USP28: variants seen among roughly 807,000 people sequenced by gnomAD.
USP28 encodes the protein ubiquitin specific peptidase 28.
Under a neutral mutation model 145.0 loss-of-function variants are expected in USP28, and 113 were observed. That is an observed-to-expected ratio of 0.78 (90% CI 0.67 to 0.91). The LOEUF is 0.91. Ranked by LOEUF, USP28 falls within the 40% of genes least tolerant of loss-of-function variation. USP28 has a pLI of 0.00. For synonymous variants in USP28, 447 were observed against 450.9 expected (o/e 0.99, Z 0.11); for missense variants, 1,201 against 1,289.6 (o/e 0.93, Z 1.05).
At chr11:113,807,232 C>T (rs967319444) in intron 18 of USP28, among the ~76,000 whole-genome samples, 1 of 152,058 alleles carries the variant, frequency 6.6e-6, no homozygotes, top group Non-Finnish European at 1.5e-5. Flanking sequence ...GCCACCATGC[C>T]CAGCTAATTT....
chr11:113,832,864 G>C (rs966858872), intron 7 of USP28, among the ~76,000 whole-genome samples: 2 of 152,052 alleles, frequency 1.3e-5, no homozygotes, highest in African/African-American at 4.8e-5. Context: ...TCAAACTCCT[G>C]GGTTCCAGGG....
chr11:113,875,522 G>A, exon 1 of USP28: 1 of 1,153,398 alleles, frequency 8.7e-7, no homozygotes, highest in Non-Finnish European at 1.1e-6. Flanking sequence ...CCCAGCCGCG[G>A]GTCACCGGTC....
chr11:113,841,608 G>A (rs1024134403), intron 4 of USP28, 55 bp downstream of exon 4: 64 of 1,137,812 alleles, frequency 5.6e-5, no homozygotes, highest in Non-Finnish European at 7.9e-5. Context: ...CAGAGCTGTT[G>A]CCTTTGAGAT....
intron 16 of USP28, among the ~76,000 whole-genome samples, chr11:113,810,034 C>CAAAAAAAAA (rs368686301): frequency 1.4e-5 from 1 of 68,982 alleles, no homozygotes; most frequent in African/African-American, 5.7e-5. Flanking sequence ...GACTCCATCT[C>CAAAAAAAAA]AAAAAAAAAA....
intron 1 of USP28, among the ~76,000 whole-genome samples, chr11:113,855,769 G>C (rs1260590367): frequency 6.6e-6 from 1 of 152,150 alleles, no homozygotes; most frequent in Admixed American, 6.5e-5. Context: ...AAATCAGTTG[G>C]GCGTGGTGGC....
chr11:113,875,398 G>C, intron 1 of USP28, 47 bp downstream of exon 1: 1 of 1,215,076 alleles, frequency 8.2e-7, no homozygotes, highest in Non-Finnish European at 1.0e-6. Flanking sequence ...GCTCCCCTCA[G>C]GGCCTGGAGC....
chr11:113,859,578 C>T (rs1433201974), intron 1 of USP28: 3 of 151,718 alleles, frequency 2.0e-5, no homozygotes, highest in South Asian at 2.1e-4. Flanking sequence ...TAACAGAACC[C>T]GCACTCCAAA....
At chr11:113,843,015 G>C (rs113434376) in intron 3 of USP28, among the ~76,000 whole-genome samples, 1,739 of 152,232 alleles carry the variant, frequency 0.011, 35 homozygotes, top group African/African-American at 0.039. Context: ...AGGATCAGTT[G>C]AGGTCAGGAG....
At chr11:113,817,922 C>A in intron 12 of USP28, 85 bp from the exon 13 acceptor site, 1 of 1,416,020 alleles carries the variant, frequency 7.1e-7, no homozygotes, top group Non-Finnish European at 9.8e-7. Context: ...TTTATCACAG[C>A]AAGTCAATGG....
At chr11:113,817,567 G>A in intron 13 of USP28, 91 bp downstream of exon 13, 2 of 1,427,428 alleles carry the variant, frequency 1.4e-6, no homozygotes, top group Non-Finnish European at 1.9e-6. Flanking sequence ...TGCTCTTATA[G>A]GTGACTGTCA....
At chr11:113,801,609 C>T in exon 24 of USP28, 6 of 1,610,304 alleles carry the variant, frequency 3.7e-6, no homozygotes, top group Non-Finnish European at 5.1e-6. Flanking sequence ...TCATTCATCA[C>T]ATTAATGCCC....
chr11:113,809,753 C>T (rs1940653305), intron 16 of USP28, among the ~76,000 whole-genome samples: 1 of 152,174 alleles, frequency 6.6e-6, no homozygotes, highest in Admixed American at 6.5e-5. Flanking sequence ...GGAAAGTGGG[C>T]CGGGTGCAGT....
chr11:113,871,331 G>C (rs1318708604), intron 1 of USP28, among the ~76,000 whole-genome samples: 2 of 152,144 alleles, frequency 1.3e-5, no homozygotes, highest in African/African-American at 2.4e-5. Flanking sequence ...AGGTGTCTGG[G>C]GGTTAGACTA....
intron 16 of USP28, among the ~76,000 whole-genome samples, chr11:113,810,034 C>CAAAAAAAAAAA (rs368686301): frequency 2.9e-5 from 2 of 68,986 alleles, no homozygotes; most frequent in Non-Finnish European, 5.5e-5. Flanking sequence ...GACTCCATCT[C>CAAAAAAAAAAA]AAAAAAAAAA....
chr11:113,854,463 C>CGG, intron 1 of USP28, 128 bp from the exon 2 acceptor site: 1 of 751,130 alleles, frequency 1.3e-6, no homozygotes, highest in East Asian at 2.9e-5. Flanking sequence ...GTGCAGTGGC[C>CGG]GGATCTCGGC....
intron 19 of USP28, among the ~76,000 whole-genome samples, 166 bp downstream of exon 20, chr11:113,806,323 C>T (rs990594700): frequency 6.6e-6 from 1 of 152,166 alleles, no homozygotes; most frequent in Non-Finnish European, 1.5e-5. Context: ...CAGCCTCCAA[C>T]TCCTGAGCTC....
At chr11:113,803,360 T>C in intron 22 of USP28, 79 bp from the exon 24 acceptor site, 1 of 1,429,780 alleles carries the variant, frequency 7.0e-7, no homozygotes. Flanking sequence ...TTTCCCCATT[T>C]CAAGAACCTA....
At chr11:113,862,602 CGA>C (rs369214020) in intron 1 of USP28, among the ~76,000 whole-genome samples, 5 of 152,018 alleles carry the variant, frequency 3.3e-5, no homozygotes, top group Admixed American at 3.3e-4. Context: ...CGAACTGTGA[CGA>C]GAGAGGCAGG....
Position 113,833,415 on chromosome 11 carries a change from T to C in USP28, c.759+5A>G, listed in dbSNP as rs748311364. 3 of 1,610,704 alleles carry C rather than the reference T, an allele frequency of 1.9e-6. No homozygotes were observed. The highest frequency in any genetic ancestry group is 2.5e-6 in the Non-Finnish European group (3 of 1,179,084). On this transcript the variant is annotated splice_donor_5th_base_variant and intron_variant, in intron 7 of 24. Transcript: ENST00000003302. ...TCAAACTCAAGAACAAGGCTTCTTT[T>C]GTACCTGCTGTTCCTCAGATGATCG...
Sources: gnomAD v4.1 joint callset for allele counts (sites outside exome capture counted in the v4.1 genomes callset) on GRCh38, gnomAD v4.1.1 for gene constraint, MANE v1.5 for transcripts, NCBI Gene and HGNC (gene_info 2026-07-23, HGNC 2026-07-21) for gene names.